Variants in WDR73 observed in about 807,000 individuals in gnomAD.
WDR73 encodes integrator complex assembly factor WDR73.
Under a neutral mutation model 38.2 loss-of-function variants are expected in WDR73, and 30 were observed. That is an observed-to-expected ratio of 0.79 (90% CI 0.59 to 1.06). The LOEUF (loss-of-function observed/expected upper bound fraction) is 1.06. Ranked by LOEUF, WDR73 falls within the 50% of genes least tolerant of loss-of-function variation. WDR73 has a pLI of 0.00. For missense variants in WDR73, 487 were observed against 467.0 expected (o/e 1.04, Z -0.40); for synonymous variants, 197 against 176.0 (o/e 1.12, Z -0.94).
At chr15:84,644,593 T>TG in intron 7 of WDR73, 1 of 147,276 alleles carries the variant, frequency 6.8e-6, no homozygotes, top group African/African-American at 2.5e-5. Context: ...TTTTTTTTTT[T>TG]TTTTGAGACA....
Position 84,645,498 on chromosome 15 carries a change from C to T in WDR73, c.856G>A (p.Gly286Ser). The T allele has an allele frequency of 1.9e-6, 3 of 1,612,444 alleles. No individual in the cohort carries two copies. The highest frequency in any genetic ancestry group is 2.5e-6 in the Non-Finnish European group (3 of 1,179,202). ...PELLRVTWAP[G>S]LKNCLAISGF... ...GAGATGGCCAAGCAATTCTTCAGGC[C>T]TGGGGCCCAAGTCACTCGCAGCAGC... Residue 286 changes from glycine to serine, a missense_variant, in exon 7 of 8, where the codon GGC becomes AGC. Coordinates refer to ENST00000434634, the MANE Select transcript of WDR73 (RefSeq NM_032856.5).
At position 84,645,716 on chromosome 15, in the gene WDR73, T is replaced by C; in HGVS notation, c.638A>G (p.Glu213Gly). The C allele has an allele frequency of 6.2e-7, 1 of 1,610,196 alleles. No individual in the cohort carries two copies. Among genetic ancestry groups the C allele is most frequent in the South Asian group, 1.1e-5 (1 of 90,444 alleles). The change falls in exon 7 of 8, where the codon GAG becomes GGG. Residue 213 changes from glutamate (E) to glycine (G), a missense_variant. By Grantham distance (98) the Glu-to-Gly change is moderately conservative. Coordinates refer to ENST00000434634, the MANE Select transcript of WDR73 (RefSeq NM_032856.5). ...AGACCCAGGGCCAGGGCTGCGATTC[T>C]CCAACGGTGCCCACTTCTGCCGGGT... ...VDTRQKWAPL[E>G]NRSPGPGSGG...
In WDR73 at chr15:84,645,468, T is replaced by C; in HGVS notation, c.883+3A>G. The C allele has an allele frequency of 6.2e-7, 1 of 1,611,856 alleles. No individual in the cohort carries two copies. The highest frequency in any genetic ancestry group is 8.5e-7 in the Non-Finnish European group (1 of 1,178,782). On this transcript the variant is annotated splice_donor_region_variant and intron_variant, in intron 7 of 7. Transcript: ENST00000434634. Reference sequence around the variant, plus strand: ...AACAAGACGAAATCCTGCTCGGCAGTACCTGAGATGGCCAAGCAATTCTTC... The same window carrying C: ...AACAAGACGAAATCCTGCTCGGCAGCACCTGAGATGGCCAAGCAATTCTTC...
Position 84,643,154 on chromosome 15 carries a change from G to T in WDR73, c.*316C>A, listed in dbSNP as rs1896319112. 2 of 260,232 alleles carry T rather than the reference G, an allele frequency of 7.7e-6. No homozygotes were observed. Among genetic ancestry groups the T allele is most frequent in the Admixed American group, 9.9e-5 (2 of 20,182 alleles). The allele number at this position is 260,232 out of a possible 1,614,324, so 16.1% of individuals were successfully genotyped here. ...AAATTCACAAAGCATGTTTATATTT[G>T]TTAGCTCTTTTGATTCTCCCTATGA... On this transcript the variant is annotated 3_prime_UTR_variant, in exon 8 of 8. Coordinates refer to ENST00000434634, the MANE Select transcript of WDR73 (RefSeq NM_032856.5).
chr15:84,653,705 C>G lies in WDR73; in HGVS notation c.42-6G>C. ...ATGCATAGAAATCCTGGTACCTGCA[C>G]AAAAGGGACACAGAATCACACGATG... On this transcript the variant is annotated splice_region_variant and splice_polypyrimidine_tract_variant and intron_variant, in intron 1 of 7. Coordinates refer to ENST00000434634, the MANE Select transcript of WDR73 (RefSeq NM_032856.5). 6.3e-7 allele frequency: 1 copy of G among 1,583,632 alleles called. No individual in the cohort carries two copies. Among genetic ancestry groups the G allele is most frequent in the Non-Finnish European group, 8.6e-7 (1 of 1,163,704 alleles).
At chr15:84,646,378 G>A (rs202215241) in intron 5 of WDR73, 30 bp from the exon 6 acceptor site, 1 of 1,587,984 alleles carries the variant, frequency 6.3e-7, no homozygotes, top group Admixed American at 1.7e-5. Flanking sequence ...CCAAAATCCA[G>A]AACTTTAATG....
Position 84,645,209 on chromosome 15 carries a change from T to TA in WDR73, c.883+261dup, listed in dbSNP as rs1360575825. The TA allele has an allele frequency of 5.2e-6, 7 of 1,353,564 alleles. No homozygotes were observed. In the African/African-American group the frequency reaches 1.0e-4, roughly 20 times the overall value. 83.8% of individuals were successfully genotyped at this position (1,353,564 alleles called of 1,614,324 possible). On this transcript the variant is annotated intron_variant, in intron 7 of 7. Transcript: ENST00000434634. ...CAGCCCGATGTCTGTCCCAGTGTCT[T>TA]ACTGTCTGCAGGCCCCTCCACCAAC...
intron 4 of WDR73, 134 bp from the exon 5 acceptor site, chr15:84,648,088 A>G (rs1433405503): frequency 5.2e-6 from 4 of 765,354 alleles, no homozygotes; most frequent in African/African-American, 3.4e-5. Flanking sequence ...ATCAAGGCCA[A>G]CCACCCTCAT....
In WDR73 at chr15:84,652,821, G is replaced by A. The variant is rs367583507; in HGVS notation, c.110-19C>T. Reference sequence around the variant, plus strand: ...AAGACTCCTGGAAAAAGAAGCAGAGGTAGCTGTCACAAATTGTTAGAAAGA... The same window carrying A: ...AAGACTCCTGGAAAAAGAAGCAGAGATAGCTGTCACAAATTGTTAGAAAGA... On this transcript the variant is annotated intron_variant, in intron 2 of 7. Transcript: ENST00000434634. 1.1e-5 allele frequency: 16 copies of A among 1,463,336 alleles called. No individual in the cohort carries two copies. Among genetic ancestry groups the A allele is most frequent in the African/African-American group, 4.3e-5 (3 of 69,668 alleles). The allele number at this position is 1,463,336 out of a possible 1,614,324, so 90.6% of individuals were successfully genotyped here. A position where few individuals can be genotyped will look rare whatever the true frequency, so the allele number is the denominator to read the frequency against.
intron 3 of WDR73, among the ~76,000 whole-genome samples, chr15:84,652,322 G>A (rs1338751192): frequency 1.3e-5 from 2 of 152,058 alleles, no homozygotes; most frequent in African/African-American, 4.8e-5. Context: ...TTGGGGAGGG[G>A]GGGTGCATCT....
chr15:84,653,592 G>A, intron 2 of WDR73, 40 bp downstream of exon 2: 10 of 1,509,364 alleles, frequency 6.6e-6, no homozygotes, highest in Non-Finnish European at 9.0e-6. Flanking sequence ...CAGCTCAGGA[G>A]TGAGATTCCC....
rs771169704 is a variant in WDR73 at position 84,645,800 on chromosome 15, A to G, written c.554T>C (p.Val185Ala). 1 of 1,613,780 alleles carries G rather than the reference A, an allele frequency of 6.2e-7. No homozygotes were observed. The highest frequency in any genetic ancestry group is 1.1e-5 in the South Asian group (1 of 91,030). ...GAAGGCAAAGGTGTCTGCATCTAGG[A>G]CCTGCAGGCTACTCAGCTCCTCACT... Reference protein sequence around the residue: ...SDSEELSSLQVLDADTFAFCC... With the variant: ...SDSEELSSLQALDADTFAFCC... The change falls in exon 7 of 8, where the codon GTC (valine) becomes GCC (alanine). Residue 185 changes from valine (V) to alanine (A), a missense_variant. Transcript: ENST00000434634.
rs557679154 is a variant in WDR73, at chr15:84,648,347, C to T, written c.287+190G>A. 9.8e-5 allele frequency: 58 copies of T among 594,650 alleles called. No homozygotes were observed. In the African/African-American group the frequency reaches 1.1e-3, roughly 11 times the overall value. 36.8% of individuals were successfully genotyped at this position (594,650 alleles called of 1,614,324 possible). A position where few individuals can be genotyped will look rare whatever the true frequency, so the allele number is the denominator to read the frequency against. On this transcript the variant is annotated intron_variant, in intron 4 of 7. Transcript: ENST00000434634. ...ACATTAGTCCAAGGGCTCTGGGGGG[C>T]TATGAAGCCACAGCAGTGGTTTCTT...
chr15:84,652,719 T>G lies in WDR73; in HGVS notation c.193A>C (p.Asn65His). The change falls in exon 3 of 8, where the codon AAC becomes CAC. Residue 65 changes from asparagine (N) to histidine (H), a missense_variant. Physicochemically the swap from Asn to His is moderately conservative, Grantham distance 68. Coordinates refer to ENST00000434634, the MANE Select transcript of WDR73 (RefSeq NM_032856.5). ...KLPLRLSVKE[N>H]KGLFPERDFK... ...GCATTTATATTTTAAGTTACCTTGT[T>G]TTCCTTTACAGAAAGTCTGAGAGGT... The G allele has an allele frequency of 6.7e-7, 1 of 1,499,344 alleles. No homozygotes were observed. Among genetic ancestry groups the G allele is most frequent in the Non-Finnish European group, 9.0e-7 (1 of 1,117,044 alleles). 92.9% of individuals were successfully genotyped at this position (1,499,344 alleles called of 1,614,324 possible). A position where few individuals can be genotyped will look rare whatever the true frequency, so the allele number is the denominator to read the frequency against.
intron 6 of WDR73, 83 bp downstream of exon 6, chr15:84,646,101 G>T (rs1342595368): frequency 6.9e-6 from 11 of 1,595,900 alleles, no homozygotes; most frequent in Non-Finnish European, 9.4e-6. Context: ...ACAGAGAGTT[G>T]AACTCAGTTT....
chr15:84,653,927 T>C (rs1302960561), intron 1 of WDR73: 1 of 604,020 alleles, frequency 1.7e-6, no homozygotes, highest in South Asian at 2.0e-5. Context: ...TTTCCCAAGG[T>C]TGACGTGAGG....
intron 5 of WDR73, 174 bp from the exon 6 acceptor site, chr15:84,646,522 A>G (rs1896469118): frequency 1.1e-6 from 1 of 931,534 alleles, no homozygotes; most frequent in South Asian, 2.5e-5. Context: ...CATTTTTGAA[A>G]CCATCAGAAA....
chr15:84,643,533 TAAC>T lies in WDR73; in HGVS notation c.1071_1073del (p.Leu358del), dbSNP rs776779130. The T allele has an allele frequency of 6.2e-7, 1 of 1,601,990 alleles. No individual in the cohort carries two copies. The highest frequency in any genetic ancestry group is 2.2e-5 in the East Asian group (1 of 44,536). On this transcript the variant is annotated inframe_deletion, in exon 8 of 8. Coordinates refer to ENST00000434634, the MANE Select transcript of WDR73 (RefSeq NM_032856.5). ...GCAGAGAGGCATCATTTGTTGCTGA[TAAC>T]AAAGTCCTTGGTCTGCAGGGATGCC...
chr15:84,652,867 C>T (rs929060582), intron 2 of WDR73, 65 bp from the exon 3 acceptor site: 21 of 977,626 alleles, frequency 2.1e-5, no homozygotes, highest in Non-Finnish European at 3.0e-5. Flanking sequence ...TGCAATCCCC[C>T]GAAGTAAGGA....
Sources: gnomAD v4.1 joint callset for allele counts (sites outside exome capture counted in the v4.1 genomes callset) on GRCh38, gnomAD v4.1.1 for gene constraint, MANE v1.5 for transcripts, NCBI Gene and HGNC (gene_info 2026-07-23, HGNC 2026-07-21) for gene names.